Variants in CDC42BPA observed in about 807,000 individuals in gnomAD.
The protein encoded by CDC42BPA is CDC42 binding protein kinase alpha, also known as serine/threonine-protein kinase MRCK alpha.
In CDC42BPA, 80 loss-of-function variants were observed where a neutral mutation model predicts 223.5. The ratio of observed to expected loss-of-function variants is 0.36; its 90% confidence interval spans 0.30 to 0.43. The LOEUF (loss-of-function observed/expected upper bound fraction) is 0.43. Ranked by LOEUF, CDC42BPA falls within the 20% of genes least tolerant of loss-of-function variation. The pLI, the probability that CDC42BPA is intolerant of heterozygous loss-of-function variation, is 1.00. For missense variants in CDC42BPA, 1,743 were observed against 2,099.9 expected (o/e 0.83, Z 3.32); for synonymous variants, 694 against 718.6 (o/e 0.97, Z 0.55).
At chr1:226,996,543 C>T (rs1438493338) in intron 35 of CDC42BPA, among the ~76,000 whole-genome samples, 1 of 152,004 alleles carries the variant, frequency 6.6e-6, no homozygotes, top group Non-Finnish European at 1.5e-5. Context: ...TGTCTGGTTG[C>T]AGTTTTCAAA....
chr1:227,060,347 C>T (rs1281655490), intron 21 of CDC42BPA, among the ~76,000 whole-genome samples: 2 of 152,194 alleles, frequency 1.3e-5, no homozygotes. Context: ...TGAACCATAT[C>T]TACTTCGGCA....
At chr1:227,139,352 A>T (rs1659250160) in intron 10 of CDC42BPA, among the ~76,000 whole-genome samples, 1 of 152,176 alleles carries the variant, frequency 6.6e-6, no homozygotes, top group Admixed American at 6.5e-5. Flanking sequence ...TTATAAACAT[A>T]AATATGTACC....
intron 2 of CDC42BPA, among the ~76,000 whole-genome samples, 196 bp downstream of exon 2, chr1:227,253,868 T>C (rs993416220): frequency 2.6e-5 from 4 of 152,160 alleles, no homozygotes; most frequent in Admixed American, 1.3e-4. Flanking sequence ...AAATTCCCAG[T>C]AGAAATATTT....
chr1:227,299,104 A>G (rs1558987764), intron 1 of CDC42BPA, among the ~76,000 whole-genome samples: 1 of 152,230 alleles, frequency 6.6e-6, no homozygotes, highest in Non-Finnish European at 1.5e-5. Flanking sequence ...CTGGATTTTC[A>G]AAAGAAATTC....
intron 21 of CDC42BPA, among the ~76,000 whole-genome samples, chr1:227,063,350 A>T (rs1676326975): frequency 6.6e-6 from 1 of 152,116 alleles, no homozygotes; most frequent in African/African-American, 2.4e-5. Flanking sequence ...CTGAATATGA[A>T]GGTATGCACA....
At chr1:227,130,976 G>A (rs1161730907) in intron 10 of CDC42BPA, among the ~76,000 whole-genome samples, 1 of 152,130 alleles carries the variant, frequency 6.6e-6, no homozygotes, top group Non-Finnish European at 1.5e-5. Context: ...GCTCATTATT[G>A]CCACCTCTTT....
intron 14 of CDC42BPA, among the ~76,000 whole-genome samples, chr1:227,109,265 A>T (rs936456376): frequency 6.6e-6 from 1 of 152,132 alleles, no homozygotes; most frequent in Non-Finnish European, 1.5e-5. Context: ...CCAATAAAAA[A>T]CTTGGCTTAC....
chr1:227,052,834 G>A (rs1673819953), intron 21 of CDC42BPA, among the ~76,000 whole-genome samples: 1 of 152,158 alleles, frequency 6.6e-6, no homozygotes, highest in Non-Finnish European at 1.5e-5. Context: ...ATATTTTAGA[G>A]GGAAGACATG....
chr1:227,204,504 C>T (rs1672326296), intron 3 of CDC42BPA, among the ~76,000 whole-genome samples: 1 of 152,032 alleles, frequency 6.6e-6, no homozygotes, highest in Non-Finnish European at 1.5e-5. Context: ...GTTTGACTAG[C>T]AAGGAGTTTA....
At chr1:227,172,694 A>G (rs1666303152) in intron 5 of CDC42BPA, among the ~76,000 whole-genome samples, 1 of 152,212 alleles carries the variant, frequency 6.6e-6, no homozygotes, top group Non-Finnish European at 1.5e-5. Context: ...CGAAAGGTAC[A>G]TGGGACCTTT....
chr1:227,090,354 T>A (rs1024622910), intron 16 of CDC42BPA, among the ~76,000 whole-genome samples: 2 of 152,190 alleles, frequency 1.3e-5, no homozygotes, highest in African/African-American at 2.4e-5. Context: ...AGGAAGAGTC[T>A]CTATTTTACA....
chr1:227,312,804 T>C (rs1344139743), intron 1 of CDC42BPA, among the ~76,000 whole-genome samples: 4 of 152,176 alleles, frequency 2.6e-5, no homozygotes, highest in Non-Finnish European at 4.4e-5. Flanking sequence ...TGTGTTGTGA[T>C]AGTGAGTGAG....
intron 14 of CDC42BPA, among the ~76,000 whole-genome samples, chr1:227,109,013 C>A (rs1016342625): frequency 6.6e-6 from 1 of 151,916 alleles, no homozygotes; most frequent in Non-Finnish European, 1.5e-5. Context: ...GTAAAAACAT[C>A]ATATAAAAGA....
intron 1 of CDC42BPA, among the ~76,000 whole-genome samples, chr1:227,268,691 C>T (rs1286903174): frequency 7.2e-6 from 1 of 139,582 alleles, no homozygotes; most frequent in African/African-American, 2.7e-5. Flanking sequence ...CACACACACA[C>T]TTTTTTTTTT....
intron 14 of CDC42BPA, among the ~76,000 whole-genome samples, chr1:227,111,680 G>A (rs925423385): frequency 2.0e-5 from 3 of 151,862 alleles, no homozygotes. Context: ...ATGGGGTTTC[G>A]CCATGTTGGT....
chr1:227,055,270 A>G (rs894811814), intron 21 of CDC42BPA, among the ~76,000 whole-genome samples: 4 of 152,128 alleles, frequency 2.6e-5, no homozygotes, highest in African/African-American at 9.6e-5. Flanking sequence ...AGTGTAAACA[A>G]TATCTCAAAA....
chr1:227,185,650 T>C (rs1313788179), intron 5 of CDC42BPA, among the ~76,000 whole-genome samples: 2 of 152,086 alleles, frequency 1.3e-5, no homozygotes, highest in Admixed American at 6.6e-5. Flanking sequence ...GGAGCCCCCC[T>C]CCCTCTGTCT....
chr1:227,286,401 TAAGGTGTAAC>T lies in CDC42BPA; in HGVS notation c.178+30594_178+30603del, dbSNP rs1487769788. 2.0e-5 allele frequency among the ~76,000 whole-genome samples: 3 copies of T among 152,316 alleles called. No individual in the cohort carries two copies. The East Asian group carries it at 5.8e-4, about 29-fold the overall frequency. On this transcript the variant is annotated intron_variant, in intron 1 of 36. Coordinates refer to ENST00000366766, the MANE Select transcript of CDC42BPA (RefSeq NM_001394014.1). ...GACACAATGCAGTCAAGTTCTTTGC[TAAGGTGTAAC>T]AAGGGTGAACTTTGCTCCAGAGTTC...
chr1:227,250,062 T>A (rs1681703323), intron 2 of CDC42BPA, among the ~76,000 whole-genome samples: 1 of 152,222 alleles, frequency 6.6e-6, no homozygotes, highest in Non-Finnish European at 1.5e-5. Context: ...TGCTTGAATG[T>A]CCATTTTGAA....
Sources: allele counts gnomAD v4.1 joint callset (sites outside exome capture counted in the v4.1 genomes callset), GRCh38; gene constraint gnomAD v4.1.1; transcripts MANE v1.5; gene names NCBI Gene and HGNC (gene_info 2026-07-23, HGNC 2026-07-21).